Variants in KCNIP4 observed in about 807,000 individuals in gnomAD.
KCNIP4 encodes potassium voltage-gated channel interacting protein 4.
A neutral mutation model predicts 34.0 loss-of-function variants in KCNIP4; 12 were observed. That is an observed-to-expected ratio of 0.35 (90% CI 0.23 to 0.57). The LOEUF (loss-of-function observed/expected upper bound fraction) is 0.57. Ranked by LOEUF, KCNIP4 falls within the 20% of genes least tolerant of loss-of-function variation. The pLI, the probability that KCNIP4 is intolerant of heterozygous loss-of-function variation, is 0.83. For synonymous variants in KCNIP4, 124 were observed against 102.2 expected (o/e 1.21, Z -1.29); for missense variants, 238 against 311.7 (o/e 0.76, Z 1.78).
intron 1 of KCNIP4, among the ~76,000 whole-genome samples, chr4:21,828,274 A>G (rs10011129): frequency 0.015 from 2,220 of 151,964 alleles, 43 homozygotes; most frequent in African/African-American, 0.05. Flanking sequence ...GAACTGGTAA[A>G]CTGGGAAGCA....
intron 3 of KCNIP4, among the ~76,000 whole-genome samples, chr4:20,775,322 G>A (rs1578589065): frequency 2.0e-5 from 3 of 152,118 alleles, no homozygotes; most frequent in Admixed American, 6.6e-5. Context: ...CATTGCCATG[G>A]ATTGCAATGT....
At chr4:20,952,639 T>TGG (rs1732895936) in intron 1 of KCNIP4, among the ~76,000 whole-genome samples, 1 of 152,248 alleles carries the variant, frequency 6.6e-6, no homozygotes, top group Non-Finnish European at 1.5e-5. Context: ...CACCTGACTT[T>TGG]ATACCACTTT....
At chr4:20,983,952 C>T in intron 1 of KCNIP4, 2 of 1,535,624 alleles carry the variant, frequency 1.3e-6, no homozygotes, top group Non-Finnish European at 1.7e-6. Context: ...GCATCCCAGC[C>T]TCCAGACCCC....
chr4:20,790,184 T>A (rs1403921167), intron 3 of KCNIP4, among the ~76,000 whole-genome samples: 1 of 152,146 alleles, frequency 6.6e-6, no homozygotes, highest in African/African-American at 2.4e-5. Flanking sequence ...TATTTGTGTA[T>A]TTATACGTAT....
chr4:20,977,264 A>G (rs900900743), intron 1 of KCNIP4, among the ~76,000 whole-genome samples: 8 of 152,166 alleles, frequency 5.3e-5, no homozygotes, highest in African/African-American at 9.7e-5. Flanking sequence ...AAGTTACCCA[A>G]TCACAGCATG....
rs1013506104 is a variant in KCNIP4, at chr4:21,323,176, G to T, written c.62-440467C>A. 2.4e-4 allele frequency among the ~76,000 whole-genome samples: 33 copies of T among 139,974 alleles called. No individual in the cohort carries two copies. In the East Asian group the frequency reaches 6.2e-3, roughly 26 times the overall value. 91.8% of individuals were successfully genotyped at this position (139,974 alleles called of 152,430 possible). On this transcript the variant is annotated intron_variant, in intron 1 of 8. Transcript: ENST00000382152. ...TATATATATATATGTATATATATATGGAATACATGAGATATGTATGCAGGC... is the reference window on the plus strand; with the variant it reads ...TATATATATATATGTATATATATATTGAATACATGAGATATGTATGCAGGC...
intron 3 of KCNIP4, among the ~76,000 whole-genome samples, chr4:20,769,187 T>C (rs1347704524): frequency 2.0e-5 from 3 of 152,148 alleles, no homozygotes; most frequent in Non-Finnish European, 4.4e-5. Flanking sequence ...TAGCATCTTA[T>C]AGTAAAGAAA....
rs577260780 is a variant in KCNIP4 at position 20,824,174 on chromosome 4, C to G, written c.288+26369G>C. 3.3e-5 allele frequency among the ~76,000 whole-genome samples: 5 copies of G among 152,228 alleles called. 1 individual carries two copies. Among genetic ancestry groups the G allele is most frequent in the African/African-American group, 1.2e-4 (5 of 41,518 alleles). On this transcript the variant is annotated intron_variant, in intron 3 of 8. Coordinates refer to ENST00000382152, the MANE Select transcript of KCNIP4 (RefSeq NM_025221.6). ...ATGTGATGTGCCTAAGTGTCTAGCA[C>G]AAAGACAGCATTATGCCAGAGGCAT...
chr4:21,048,745 T>A (rs1259383788), intron 1 of KCNIP4, among the ~76,000 whole-genome samples: 1 of 152,082 alleles, frequency 6.6e-6, no homozygotes, highest in East Asian at 1.9e-4. Context: ...ATGATAACTG[T>A]GACCAAACAA....
At chr4:21,818,164 C>G (rs1722105294) in intron 1 of KCNIP4, among the ~76,000 whole-genome samples, 1 of 152,142 alleles carries the variant, frequency 6.6e-6, no homozygotes, top group Non-Finnish European at 1.5e-5. Context: ...TAAAATTCCT[C>G]TCTTTATACT....
At chr4:21,286,284 C>G (rs905735430) in intron 1 of KCNIP4, among the ~76,000 whole-genome samples, 2 of 152,140 alleles carry the variant, frequency 1.3e-5, no homozygotes, top group Non-Finnish European at 2.9e-5. Context: ...AGTCTGGATA[C>G]CTGCCTATGA....
chr4:21,084,865 A>C (rs1457500986), intron 1 of KCNIP4, among the ~76,000 whole-genome samples: 1 of 151,600 alleles, frequency 6.6e-6, no homozygotes, highest in Non-Finnish European at 1.5e-5. Context: ...CCTCTACTAA[A>C]TGCATGAATA....
chr4:20,786,335 T>C (rs1179614465), intron 3 of KCNIP4, among the ~76,000 whole-genome samples: 1 of 152,124 alleles, frequency 6.6e-6, no homozygotes, highest in East Asian at 1.9e-4. Context: ...AAAGACTTTC[T>C]ATTGGGTACT....
At chr4:21,395,318 C>T (rs1050146755) in intron 1 of KCNIP4, among the ~76,000 whole-genome samples, 5 of 152,130 alleles carry the variant, frequency 3.3e-5, no homozygotes, top group Non-Finnish European at 5.9e-5. Flanking sequence ...CCACTCCTAC[C>T]TCCATACACA....
chr4:21,632,442 C>A (rs959035070), intron 1 of KCNIP4, among the ~76,000 whole-genome samples: 9 of 152,088 alleles, frequency 5.9e-5, no homozygotes, highest in African/African-American at 2.2e-4. Context: ...CCAGGCTGTT[C>A]TCGAACTCCT....
At chr4:21,353,187 G>A (rs559114377) in intron 1 of KCNIP4, among the ~76,000 whole-genome samples, 60 of 152,252 alleles carry the variant, frequency 3.9e-4, no homozygotes, top group African/African-American at 1.4e-3. Context: ...CAAAGATGGG[G>A]AGAAACCAGA....
chr4:21,920,481 T>G (rs1245630912), intron 1 of KCNIP4, among the ~76,000 whole-genome samples: 1 of 151,786 alleles, frequency 6.6e-6, no homozygotes, highest in Admixed American at 6.6e-5. Context: ...GTTTGGGAGG[T>G]GGGTGAGGAA....
At chr4:21,710,347 GATTAAAT>G (rs1267699980) in intron 1 of KCNIP4, among the ~76,000 whole-genome samples, 1 of 152,086 alleles carries the variant, frequency 6.6e-6, no homozygotes. Context: ...AGAGAAGCGT[GATTAAAT>G]ATTCAGGACC....
chr4:21,288,339 A>G (rs888871053), intron 1 of KCNIP4, among the ~76,000 whole-genome samples: 2 of 152,200 alleles, frequency 1.3e-5, no homozygotes, highest in African/African-American at 2.4e-5. Context: ...CTATAGGCAA[A>G]ACTCATGCAA....
Sources: allele counts gnomAD v4.1 joint callset (sites outside exome capture counted in the v4.1 genomes callset), GRCh38; gene constraint gnomAD v4.1.1; transcripts MANE v1.5; gene names NCBI Gene and HGNC (gene_info 2026-07-23, HGNC 2026-07-21).